Variants in FAM3D observed in about 807,000 individuals in gnomAD.
FAM3D encodes protein FAM3D.
FAM3D carries 26 observed loss-of-function variants against 29.8 expected under a neutral mutation model. The ratio of observed to expected loss-of-function variants is 0.87; its 90% CI spans 0.64 to 1.21. The LOEUF (loss-of-function observed/expected upper bound fraction) is 1.21, where lower values mean the gene tolerates loss of function less well. Among genes scored for constraint, FAM3D ranks in the 50% most tolerant of loss-of-function variants. FAM3D has a pLI of 0.00. For synonymous variants in FAM3D, 115 were observed against 102.3 expected (o/e 1.12, Z -0.75); for missense variants, 253 against 290.9 (o/e 0.87, Z 0.95).
Position 58,634,007 on chromosome 3 carries a change from G to C in FAM3D, c.*272C>G. On this transcript the variant is annotated 3_prime_UTR_variant, in exon 10 of 10. Coordinates refer to ENST00000358781, the MANE Select transcript of FAM3D (RefSeq NM_138805.3). This position sits in a 1 kb window ranked among gnomAD's most constrained non-coding sequence, Gnocchi z 4.6. ...AGTCTGGGCAGTTTGTCCTTCCTCA[G>C]GACCAGCCGTCAGCAGTCCCTGACG... 2.3e-6 allele frequency: 1 copy of C among 442,346 alleles called. No homozygotes were observed. Among genetic ancestry groups the C allele is most frequent in the Non-Finnish European group, 4.0e-6 (1 of 249,230 alleles). 27.4% of individuals were successfully genotyped at this position (442,346 alleles called of 1,614,324 possible).
At chr3:58,648,318 C>T (rs570026895) in intron 4 of FAM3D, among the ~76,000 whole-genome samples, 2 of 152,296 alleles carry the variant, frequency 1.3e-5, no homozygotes, top group East Asian at 3.9e-4. Context: ...CCTTCTTAGC[C>T]AGGCAAAATC....
intron 1 of FAM3D, among the ~76,000 whole-genome samples, chr3:58,664,441 C>T (rs1321325913): frequency 6.6e-6 from 1 of 152,232 alleles, no homozygotes; most frequent in East Asian, 1.9e-4. Flanking sequence ...CAGTTCCATG[C>T]AGACTGCCTG....
At chr3:58,659,137 T>C (rs2066883423) in intron 1 of FAM3D, among the ~76,000 whole-genome samples, 2 of 152,176 alleles carry the variant, frequency 1.3e-5, no homozygotes, top group Non-Finnish European at 2.9e-5. Flanking sequence ...GGAAGGGATG[T>C]TGGGCAGTGA....
At chr3:58,650,071 T>G (rs1023369929) in intron 3 of FAM3D, among the ~76,000 whole-genome samples, 1 of 152,264 alleles carries the variant, frequency 6.6e-6, no homozygotes, top group African/African-American at 2.4e-5. Flanking sequence ...CCTTGGCCAC[T>G]TCCTGAAATC....
chr3:58,648,466 C>T (rs1302166168), intron 4 of FAM3D, among the ~76,000 whole-genome samples: 1 of 151,972 alleles, frequency 6.6e-6, no homozygotes, highest in Non-Finnish European at 1.5e-5. Context: ...GGTTTGACTT[C>T]TGCCTCACCA....
At chr3:58,649,203 G>A in intron 4 of FAM3D, 112 bp downstream of exon 4, 4 of 1,325,360 alleles carry the variant, frequency 3.0e-6, no homozygotes, top group Non-Finnish European at 4.1e-6. Context: ...AGGTTTCTCT[G>A]GCACCTGCAG....
In FAM3D at chr3:58,652,832, T is replaced by C. The variant is rs569423649; in HGVS notation, c.121+842A>G. On this transcript the variant is annotated intron_variant, in intron 3 of 9. Coordinates refer to ENST00000358781, the MANE Select transcript of FAM3D (RefSeq NM_138805.3). ...ATCCACCCACCCACTCAGCCATTCT[T>C]CACTCATCCATCCATCTGTCCATCC... 6.8e-5 allele frequency among the ~76,000 whole-genome samples: 10 copies of C among 147,848 alleles called. 1 individual carries two copies. In the East Asian group the frequency reaches 1.6e-3, roughly 24 times the overall value.
At chr3:58,640,300 G>T in intron 6 of FAM3D, 123 bp from the exon 7 acceptor site, 1 of 1,147,448 alleles carries the variant, frequency 8.7e-7, no homozygotes, top group Non-Finnish European at 1.3e-6. Flanking sequence ...ATGAAATCAG[G>T]TCCTATAAAG....
rs2066087938 is a variant in FAM3D, at chr3:58,633,999, C to G, written c.*280G>C. The G allele has an allele frequency of 2.3e-6, 1 of 429,198 alleles. No homozygotes were observed. The allele number at this position is 429,198 out of a possible 1,614,324, so 26.6% of individuals were successfully genotyped here. Reference sequence around the variant, plus strand: ...TGGGCTCAAGTCTGGGCAGTTTGTCCTTCCTCAGGACCAGCCGTCAGCAGT... The same window carrying G: ...TGGGCTCAAGTCTGGGCAGTTTGTCGTTCCTCAGGACCAGCCGTCAGCAGT... On this transcript the variant is annotated 3_prime_UTR_variant, in exon 10 of 10. Transcript: ENST00000358781.
intron 6 of FAM3D, among the ~76,000 whole-genome samples, chr3:58,640,660 T>C (rs1056125249): frequency 2.0e-5 from 3 of 152,242 alleles, no homozygotes; most frequent in Non-Finnish European, 2.9e-5. Context: ...GGGATTTGTG[T>C]TGGGCTAAGC....
In FAM3D at chr3:58,649,258, G is replaced by C. The variant is rs201181282; in HGVS notation, c.145+57C>G. ...GGGCCTTGTTGCCCTAGGGCAAATG[G>C]GAGCAGGGGGTGAGTGGATGAGGTC... On this transcript the variant is annotated intron_variant, in intron 4 of 9. Coordinates refer to ENST00000358781, the MANE Select transcript of FAM3D (RefSeq NM_138805.3). 5,099 of 1,593,758 alleles carry C rather than the reference G, an allele frequency of 3.2e-3. 192 individuals carry two copies. The South Asian group carries it at 0.054, about 17-fold the overall frequency.
rs542040861 is a variant in FAM3D, at chr3:58,636,758, T to C, written c.459-338A>G. Among the ~76,000 whole-genome samples, 29 of 63,476 alleles carry C rather than the reference T, an allele frequency of 4.6e-4. 1 individual carries two copies. The South Asian group carries it at 0.025, about 54-fold the overall frequency. 41.6% of individuals were successfully genotyped at this position (63,476 alleles called of 152,430 possible). A position where few individuals can be genotyped will look rare whatever the true frequency, so the allele number is the denominator to read the frequency against. On this transcript the variant is annotated intron_variant, in intron 8 of 9. Transcript: ENST00000358781. ...CCCTTAGTGTGATCAGTGTATGTAT[T>C]TCCATACAGTGTTTTTTTTTCCCCT... is the stretch of plus-strand genomic sequence containing the variant.
intron 4 of FAM3D, 69 bp from the exon 5 acceptor site, chr3:58,645,695 G>A: frequency 1.5e-6 from 2 of 1,298,414 alleles, no homozygotes; most frequent in South Asian, 2.8e-5. Context: ...AGGAGGGGAG[G>A]GCCAGGGCTA....
intron 3 of FAM3D, among the ~76,000 whole-genome samples, chr3:58,650,971 C>T (rs1388283534): frequency 4.7e-5 from 7 of 149,688 alleles, no homozygotes; most frequent in African/African-American, 1.7e-4. Context: ...CCCGCCTCGG[C>T]ATCCCAAAGT....
chr3:58,655,398 G>A (rs1205409882), intron 2 of FAM3D, among the ~76,000 whole-genome samples, 153 bp downstream of exon 2: 2 of 152,178 alleles, frequency 1.3e-5, no homozygotes, highest in Admixed American at 1.3e-4. Context: ...ACAGGAAGTC[G>A]CCTCTTCTAC....
At chr3:58,663,295 A>G (rs1169354054) in intron 1 of FAM3D, among the ~76,000 whole-genome samples, 2 of 152,188 alleles carry the variant, frequency 1.3e-5, no homozygotes, top group African/African-American at 2.4e-5. Flanking sequence ...GATGTTATGT[A>G]TATCTTTGCC....
chr3:58,645,832 C>T (rs1185510676), intron 4 of FAM3D, among the ~76,000 whole-genome samples: 1 of 152,226 alleles, frequency 6.6e-6, no homozygotes, highest in African/African-American at 2.4e-5. Flanking sequence ...CCAGAGCACA[C>T]AGGACCAGCC....
At chr3:58,639,522 T>A (rs2106735399) in intron 7 of FAM3D, among the ~76,000 whole-genome samples, 1 of 152,242 alleles carries the variant, frequency 6.6e-6, no homozygotes, top group Non-Finnish European at 1.5e-5. Context: ...TGTCCCCATC[T>A]CCTGTTGCCC....
chr3:58,644,904 G>A (rs535665958), intron 5 of FAM3D, among the ~76,000 whole-genome samples: 1 of 152,298 alleles, frequency 6.6e-6, no homozygotes, highest in South Asian at 2.1e-4. Flanking sequence ...TGGTCTTTTA[G>A]GTATTTGAAC....
Sources: gnomAD v4.1 joint callset for allele counts (sites outside exome capture counted in the v4.1 genomes callset) on GRCh38, gnomAD v4.1.1 for gene constraint, Gnocchi (gnomAD v3.1) non-coding constraint, MANE v1.5 for transcripts, NCBI Gene and HGNC (gene_info 2026-07-23, HGNC 2026-07-21) for gene names.